CCR5AS: variants seen among roughly 807,000 people sequenced by gnomAD.
The protein encoded by CCR5AS is CCR5 antisense RNA.
chr3:46,373,896 C>A, intron 2 of CCR5AS: 1 of 1,610,200 alleles, frequency 6.2e-7, no homozygotes, highest in Non-Finnish European at 8.5e-7. Flanking sequence ...GCAAGAGGCT[C>A]CCGAGCGAGC....
chr3:46,403,920 A>G lies in CCR5AS; in HGVS notation n.163+2977T>C, dbSNP rs891136762. Among the ~76,000 whole-genome samples, 36 of 152,180 alleles carry G rather than the reference A, an allele frequency of 2.4e-4. 1 individual carries two copies. Among genetic ancestry groups the G allele is most frequent in the Non-Finnish European group, 7.3e-5 (5 of 68,036 alleles). On this transcript the variant is annotated intron_variant and non_coding_transcript_variant, in intron 1 of 3. Transcript: ENST00000451485. ...AAAAGAACAAAAACAAAATAAAAAC[A>G]AATCCCAGAACCAGAAAGAAAAAAC...
chr3:46,391,748 A>C (rs1291556074), intron 2 of CCR5AS, among the ~76,000 whole-genome samples: 1 of 152,146 alleles, frequency 6.6e-6, no homozygotes, highest in Non-Finnish European at 1.5e-5. Context: ...TGAGGAGAGA[A>C]GGTGACCAAA....
intron 2 of CCR5AS, among the ~76,000 whole-genome samples, chr3:46,379,946 C>T (rs1442929730): frequency 6.6e-6 from 1 of 150,740 alleles, no homozygotes; most frequent in African/African-American, 2.5e-5. Context: ...ATAGTAAATG[C>T]ACTGCTTTGC....
At chr3:46,373,277 T>C (rs773818071) in intron 2 of CCR5AS, 6 of 1,614,142 alleles carry the variant, frequency 3.7e-6, no homozygotes, top group Non-Finnish European at 5.1e-6. Context: ...TGACAATCGA[T>C]AGGTACCTGG....
chr3:46,385,124 C>G (rs1011475207), intron 2 of CCR5AS, among the ~76,000 whole-genome samples: 4 of 152,162 alleles, frequency 2.6e-5, no homozygotes, highest in African/African-American at 4.8e-5. Context: ...GCACAGTACC[C>G]GAGTGCATTA....
intron 2 of CCR5AS, among the ~76,000 whole-genome samples, chr3:46,380,913 G>T (rs1303529352): frequency 6.6e-6 from 1 of 150,976 alleles, no homozygotes; most frequent in African/African-American, 2.4e-5. Context: ...CTGACAGCAA[G>T]GGCTGTTGTC....
exon 4 of CCR5AS, chr3:46,364,836 T>C (rs1035262714): frequency 6.6e-6 from 1 of 152,186 alleles, no homozygotes; most frequent in South Asian, 2.1e-4. Flanking sequence ...CCAACCCCCA[T>C]AGATGACTTT....
In CCR5AS at chr3:46,373,022, G is replaced by A; in HGVS notation, n.392-1605C>T. 2 of 1,614,116 alleles carry A rather than the reference G, an allele frequency of 1.2e-6. 1 individual carries two copies. The highest frequency in any genetic ancestry group is 2.2e-5 in the South Asian group (2 of 91,074). ...TCCTGCCTCCGCTCTACTCACTGGT[G>A]TTCATCTTTGGTTTTGTGGGCAACA... On this transcript the variant is annotated intron_variant and non_coding_transcript_variant, in intron 2 of 3. Transcript: ENST00000451485.
chr3:46,391,857 C>T (rs530211433), intron 2 of CCR5AS, among the ~76,000 whole-genome samples: 1 of 151,718 alleles, frequency 6.6e-6, no homozygotes, highest in Non-Finnish European at 1.5e-5. Flanking sequence ...CAGATGGGTC[C>T]GTAGAAAAGG....
intron 2 of CCR5AS, among the ~76,000 whole-genome samples, chr3:46,372,216 C>A (rs1049488712): frequency 6.6e-6 from 1 of 152,108 alleles, no homozygotes; most frequent in African/African-American, 2.4e-5. Flanking sequence ...TGGGCTAACT[C>A]TAGCGTCAAT....
chr3:46,399,201 T>G (rs1320262798), intron 1 of CCR5AS, among the ~76,000 whole-genome samples: 1 of 152,238 alleles, frequency 6.6e-6, no homozygotes, highest in Non-Finnish European at 1.5e-5. Context: ...TGGGCTGGAC[T>G]GATGTCTGCG....
At chr3:46,396,521 T>C (rs6441976) in intron 1 of CCR5AS, among the ~76,000 whole-genome samples, 144,787 of 152,312 alleles carry the variant, frequency 0.95, 68,899 homozygotes, top group East Asian at 1. Context: ...CAGATGCCCT[T>C]TTCAAGCCAA....
intron 1 of CCR5AS, among the ~76,000 whole-genome samples, chr3:46,403,746 A>G (rs1702021636): frequency 6.6e-6 from 1 of 152,218 alleles, no homozygotes; most frequent in Non-Finnish European, 1.5e-5. Flanking sequence ...CTGGCGAGGA[A>G]GACGCTCTTG....
intron 1 of CCR5AS, among the ~76,000 whole-genome samples, chr3:46,399,390 G>A (rs1159055901): frequency 2.0e-5 from 3 of 152,168 alleles, no homozygotes; most frequent in African/African-American, 7.2e-5. Flanking sequence ...AGGCTGCAGG[G>A]TGTAGAGTAG....
intron 2 of CCR5AS, among the ~76,000 whole-genome samples, chr3:46,387,762 G>C (rs1701875666): frequency 6.6e-6 from 1 of 152,182 alleles, no homozygotes; most frequent in African/African-American, 2.4e-5. Context: ...TGTGGGTGCA[G>C]GCAGACTGAG....
chr3:46,391,556 G>T (rs1701914528), intron 2 of CCR5AS, among the ~76,000 whole-genome samples: 1 of 152,196 alleles, frequency 6.6e-6, no homozygotes, highest in Non-Finnish European at 1.5e-5. Context: ...CATGGACTCA[G>T]CTGGGTTTTC....
intron 2 of CCR5AS, among the ~76,000 whole-genome samples, chr3:46,383,487 G>T (rs1575283530): frequency 6.6e-6 from 1 of 152,164 alleles, no homozygotes; most frequent in South Asian, 2.1e-4. Flanking sequence ...CATGGGCAGG[G>T]GTGGCTTAGG....
At chr3:46,393,290 G>A (rs759930991) in intron 1 of CCR5AS, among the ~76,000 whole-genome samples, 10 of 151,872 alleles carry the variant, frequency 6.6e-5, no homozygotes, top group Non-Finnish European at 1.2e-4. Context: ...GTTAAGGCAG[G>A]AGCGGCCTAT....
At chr3:46,388,696 T>G (rs1454877001) in intron 2 of CCR5AS, among the ~76,000 whole-genome samples, 1 of 152,170 alleles carries the variant, frequency 6.6e-6, no homozygotes, top group African/African-American at 2.4e-5. Context: ...GAAAGAGAAA[T>G]GCAAAGGAAG....
Sources: allele counts gnomAD v4.1 joint callset (sites outside exome capture counted in the v4.1 genomes callset), GRCh38; gene constraint gnomAD v4.1.1; transcripts MANE v1.5; gene names NCBI Gene and HGNC (gene_info 2026-07-23, HGNC 2026-07-21).